CCDC178: variants seen among roughly 807,000 people sequenced by gnomAD.
CCDC178 encodes coiled-coil domain containing 178, also known as coiled-coil domain-containing protein 178.
CCDC178 carries 126 observed loss-of-function variants against 117.4 expected under a neutral mutation model. The ratio of observed to expected loss-of-function variants is 1.07; its 90% CI spans 0.93 to 1.24. The LOEUF is 1.24. Ranked by LOEUF, CCDC178 falls within the 50% of genes most tolerant of loss-of-function variation. The pLI is 0.00. For synonymous variants in CCDC178, 283 were observed against 313.4 expected (o/e 0.90, Z 1.02); for missense variants, 1,030 against 986.9 (o/e 1.04, Z -0.59).
intron 3 of CCDC178, among the ~76,000 whole-genome samples, chr18:33,403,188 T>C (rs762588498): frequency 1.1e-4 from 17 of 152,116 alleles, no homozygotes; most frequent in Middle Eastern, 3.2e-3. Flanking sequence ...AGTCCTTGGA[T>C]GAGTGTTGAA....
At chr18:32,939,688 C>A (rs1598705276) in intron 22 of CCDC178, among the ~76,000 whole-genome samples, 1 of 152,198 alleles carries the variant, frequency 6.6e-6, no homozygotes, top group East Asian at 1.9e-4. Context: ...GAAAAATCCA[C>A]CTGTATTTTA....
chr18:33,169,919 T>C (rs1031853540), intron 20 of CCDC178, among the ~76,000 whole-genome samples: 4 of 152,146 alleles, frequency 2.6e-5, no homozygotes, highest in African/African-American at 4.8e-5. Flanking sequence ...CCAGCTTACA[T>C]AGCAAGCAAG....
chr18:33,144,016 C>T (rs2058241719), intron 20 of CCDC178, among the ~76,000 whole-genome samples: 1 of 152,020 alleles, frequency 6.6e-6, no homozygotes, highest in Non-Finnish European at 1.5e-5. Context: ...TACTGCACCA[C>T]CTTTGAGTTT....
intron 22 of CCDC178, among the ~76,000 whole-genome samples, chr18:32,944,122 T>C (rs571890683): frequency 5.9e-5 from 9 of 152,148 alleles, no homozygotes; most frequent in African/African-American, 1.9e-4. Flanking sequence ...GCACAAAATA[T>C]GGTTTGGCCT....
chr18:33,083,656 A>G (rs1332985914), intron 21 of CCDC178, among the ~76,000 whole-genome samples: 1 of 152,208 alleles, frequency 6.6e-6, no homozygotes, highest in African/African-American at 2.4e-5. Flanking sequence ...TTATTTAAAT[A>G]CTTTCTTCCT....
chr18:33,432,475 CCATACA>C lies in CCDC178; in HGVS notation c.-23+7481_-23+7486del, dbSNP rs1195914926. Among the ~76,000 whole-genome samples, 60 of 101,686 alleles carry C rather than the reference CCATACA, an allele frequency of 5.9e-4. 1 individual carries two copies. Among genetic ancestry groups the C allele is most frequent in the African/African-American group, 2.1e-3 (59 of 28,592 alleles). 66.7% of individuals were successfully genotyped at this position (101,686 alleles called of 152,430 possible). On this transcript the variant is annotated intron_variant, in intron 2 of 22. Transcript: ENST00000383096. ...TTAATATAATTCTCTCATGCCTTCT[CCATACA>C]CACACACACACACACACACACACAC...
intron 14 of CCDC178, among the ~76,000 whole-genome samples, chr18:33,258,743 G>C (rs896949071): frequency 1.3e-5 from 2 of 151,990 alleles, no homozygotes; most frequent in Admixed American, 6.6e-5. Flanking sequence ...AATATATTTA[G>C]TCCTAAGTAT....
chr18:33,344,560 A>G (rs1384148868), intron 9 of CCDC178, among the ~76,000 whole-genome samples: 1 of 152,122 alleles, frequency 6.6e-6, no homozygotes. Flanking sequence ...TCCTAAAACT[A>G]CAATACCTAA....
intron 22 of CCDC178, among the ~76,000 whole-genome samples, chr18:32,939,302 C>G (rs186713735): frequency 1.3e-5 from 2 of 150,986 alleles, no homozygotes; most frequent in Non-Finnish European, 3.0e-5. Context: ...TCATTTTCTT[C>G]TAGGAATAGG....
chr18:33,375,278 CTAT>C (rs1259364628), intron 5 of CCDC178, among the ~76,000 whole-genome samples: 5 of 152,084 alleles, frequency 3.3e-5, no homozygotes, highest in African/African-American at 1.2e-4. Flanking sequence ...TCCTGTTCAC[CTAT>C]TTTTTCTCAT....
At chr18:33,153,406 A>AAATAG (rs2058361143) in intron 20 of CCDC178, among the ~76,000 whole-genome samples, 1 of 151,950 alleles carries the variant, frequency 6.6e-6, no homozygotes, top group African/African-American at 2.4e-5. Flanking sequence ...AAAGCATTGA[A>AAATAG]GCAACAAATA....
At chr18:33,327,645 T>C (rs2062603062) in intron 10 of CCDC178, among the ~76,000 whole-genome samples, 1 of 152,174 alleles carries the variant, frequency 6.6e-6, no homozygotes, top group Non-Finnish European at 1.5e-5. Context: ...CCTATCCTAA[T>C]GGGTATGACT....
intron 1 of CCDC178, chr18:33,440,427 G>A (rs1363170744): frequency 6.6e-6 from 1 of 152,282 alleles, no homozygotes; most frequent in East Asian, 1.9e-4. Context: ...ATGGGACTGG[G>A]GATTTGGGGA....
intron 22 of CCDC178, chr18:32,957,987 A>C: frequency 3.5e-6 from 1 of 285,818 alleles, no homozygotes. Context: ...TAAATGAAGT[A>C]TCTCTTTAGT....
chr18:33,417,567 T>C lies in CCDC178; in HGVS notation c.-22-5457A>G, dbSNP rs1416366794. Among the ~76,000 whole-genome samples, 3 of 132,962 alleles carry C rather than the reference T, an allele frequency of 2.3e-5. No homozygotes were observed. The East Asian group carries it at 6.8e-4, about 30-fold the overall frequency. The allele number at this position is 132,962 out of a possible 152,430, so 87.2% of individuals were successfully genotyped here. A position where few individuals can be genotyped will look rare whatever the true frequency, so the allele number is the denominator to read the frequency against. On this transcript the variant is annotated intron_variant, in intron 2 of 22. Transcript: ENST00000383096. ...ACACACACACACACACACACACAAA[T>C]AACTGCAAGTATTACCGCTGAAATC... is the stretch of plus-strand genomic sequence containing the variant.
At chr18:33,190,014 A>C (rs2058839232) in intron 20 of CCDC178, among the ~76,000 whole-genome samples, 1 of 149,846 alleles carries the variant, frequency 6.7e-6, no homozygotes, top group Admixed American at 6.6e-5. Flanking sequence ...CTGACCATTG[A>C]CACTGCTAAA....
At chr18:32,993,939 A>G (rs2055448396) in intron 21 of CCDC178, among the ~76,000 whole-genome samples, 1 of 152,118 alleles carries the variant, frequency 6.6e-6, no homozygotes, top group Admixed American at 6.5e-5. Flanking sequence ...TATTGAACCA[A>G]CACCACAGGT....
At chr18:33,085,178 T>A (rs2057360772) in intron 21 of CCDC178, among the ~76,000 whole-genome samples, 1 of 152,226 alleles carries the variant, frequency 6.6e-6, no homozygotes, top group Non-Finnish European at 1.5e-5. Context: ...GAAGGACACA[T>A]ATTTATCTAA....
chr18:33,323,904 C>G (rs558912130), intron 10 of CCDC178, among the ~76,000 whole-genome samples: 2 of 151,810 alleles, frequency 1.3e-5, no homozygotes, highest in East Asian at 3.9e-4. Context: ...ATTTTTATTA[C>G]TCAAATAATA....
Sources: allele counts gnomAD v4.1 joint callset (sites outside exome capture counted in the v4.1 genomes callset), GRCh38; gene constraint gnomAD v4.1.1; transcripts MANE v1.5; gene names NCBI Gene and HGNC (gene_info 2026-07-23, HGNC 2026-07-21).